NUDT3: variants seen among roughly 807,000 people sequenced by gnomAD.
NUDT3 encodes nudix hydrolase 3.
In NUDT3, 9 loss-of-function variants were observed where a neutral mutation model predicts 23.6. The observed-to-expected ratio is 0.38, with a 90% CI of 0.23 to 0.66. The LOEUF (loss-of-function observed/expected upper bound fraction) is 0.66, where lower values mean the gene tolerates loss of function less well. NUDT3 is among the 30% of genes least tolerant of loss of function. The pLI is 0.52. For missense variants in NUDT3, 172 were observed against 218.5 expected (o/e 0.79, Z 1.34); for synonymous variants, 86 against 82.6 (o/e 1.04, Z -0.22).
At chr6:34,381,750 A>C (rs555427779) in intron 1 of NUDT3, among the ~76,000 whole-genome samples, 20 of 152,158 alleles carry the variant, frequency 1.3e-4, no homozygotes, top group Non-Finnish European at 2.8e-4. Context: ...TAGCAATCAA[A>C]TCATTTCTGC....
intron 1 of NUDT3, among the ~76,000 whole-genome samples, chr6:34,385,042 A>C (rs1765082857): frequency 6.6e-6 from 1 of 152,030 alleles, no homozygotes; most frequent in Admixed American, 6.6e-5. Flanking sequence ...AAAAAAAAAA[A>C]AAACTCAAAA....
chr6:34,321,526 G>A (rs187604574), intron 2 of NUDT3, among the ~76,000 whole-genome samples: 1 of 152,204 alleles, frequency 6.6e-6, no homozygotes, highest in East Asian at 1.9e-4. Context: ...GGCTAATGTA[G>A]TAAGAGCAAG....
chr6:34,363,546 G>C (rs1581891357), intron 1 of NUDT3, among the ~76,000 whole-genome samples: 1 of 152,300 alleles, frequency 6.6e-6, no homozygotes, highest in East Asian at 1.9e-4. Flanking sequence ...AGAGATTAGA[G>C]AGTCTTGGCA....
chr6:34,390,377 A>G (rs1020528399), intron 1 of NUDT3, among the ~76,000 whole-genome samples: 1 of 151,976 alleles, frequency 6.6e-6, no homozygotes, highest in Non-Finnish European at 1.5e-5. Context: ...AGGTAGCCTA[A>G]ACAGACAAGT....
At chr6:34,337,884 G>C (rs189876565) in intron 2 of NUDT3, among the ~76,000 whole-genome samples, 1 of 152,292 alleles carries the variant, frequency 6.6e-6, no homozygotes, top group East Asian at 1.9e-4. Flanking sequence ...TAATCTGTCT[G>C]AATACACAAC....
At chr6:34,366,177 G>A (rs1440002885) in intron 1 of NUDT3, among the ~76,000 whole-genome samples, 1 of 150,830 alleles carries the variant, frequency 6.6e-6, no homozygotes, top group African/African-American at 2.4e-5. Context: ...AACCAGCCTG[G>A]GCAACATAGG....
chr6:34,323,706 C>A (rs1489503870), intron 2 of NUDT3, among the ~76,000 whole-genome samples: 1 of 152,206 alleles, frequency 6.6e-6, no homozygotes, highest in Non-Finnish European at 1.5e-5. Context: ...TACAACTTTA[C>A]ATTCAAATGG....
chr6:34,318,434 T>C (rs1294026309), intron 2 of NUDT3, among the ~76,000 whole-genome samples: 1 of 152,230 alleles, frequency 6.6e-6, no homozygotes, highest in Non-Finnish European at 1.5e-5. Context: ...TATATTTACA[T>C]ATATATGAAC....
At chr6:34,391,442 T>C (rs1035031957) in intron 1 of NUDT3, among the ~76,000 whole-genome samples, 1 of 152,202 alleles carries the variant, frequency 6.6e-6, no homozygotes, top group Non-Finnish European at 1.5e-5. Flanking sequence ...GAAACGGCTT[T>C]GGGAAGCCGA....
chr6:34,283,197 C>CTTTTTTTTTTTTTTT lies in NUDT3; in HGVS notation c.*5555_*5556insAAAAAAAAAAAAAAA, dbSNP rs1561894252. The CTTTTTTTTTTTTTTT allele has an allele frequency of 6.9e-6, 1 of 145,318 alleles. No individual in the cohort carries two copies. The highest frequency in any genetic ancestry group is 1.5e-5 in the Non-Finnish European group (1 of 66,598). The allele number at this position is 145,318 out of a possible 1,614,324, so 9.0% of individuals were successfully genotyped here. A position where few individuals can be genotyped will look rare whatever the true frequency, so the allele number is the denominator to read the frequency against. ...TCATCACAAAATGGGATTCCCTTCCCTTTTCTTTTTTTTTTTTTTTTTTTT... is the reference window on the plus strand; with the variant it reads ...TCATCACAAAATGGGATTCCCTTCCCTTTTTTTTTTTTTTTTTTTCTTTTTTTTTTTTTTTTTTTT... On this transcript the variant is annotated 3_prime_UTR_variant, in exon 5 of 5. Transcript: ENST00000607016.
intron 2 of NUDT3, among the ~76,000 whole-genome samples, chr6:34,324,034 C>A (rs991040688): frequency 1.3e-5 from 2 of 152,210 alleles, no homozygotes; most frequent in Non-Finnish European, 2.9e-5. Flanking sequence ...AATAGCATCA[C>A]TAAGTGCTTA....
At chr6:34,357,136 C>T (rs543439404) in intron 1 of NUDT3, among the ~76,000 whole-genome samples, 1 of 151,978 alleles carries the variant, frequency 6.6e-6, no homozygotes, top group African/African-American at 2.4e-5. Flanking sequence ...TGAAAAATTA[C>T]AGATAAAATC....
intron 1 of NUDT3, among the ~76,000 whole-genome samples, chr6:34,388,207 C>G (rs1765140207): frequency 6.6e-6 from 1 of 152,134 alleles, no homozygotes; most frequent in African/African-American, 2.4e-5. Flanking sequence ...TAAGTACATT[C>G]TATGATGTTT....
chr6:34,299,453 C>T (rs1292467056), intron 2 of NUDT3, among the ~76,000 whole-genome samples: 2 of 151,804 alleles, frequency 1.3e-5, no homozygotes, highest in African/African-American at 4.8e-5. Context: ...TTTTAAGAGA[C>T]AGGGTCTCAC....
chr6:34,382,369 C>T (rs972326815), intron 1 of NUDT3, among the ~76,000 whole-genome samples: 1 of 152,196 alleles, frequency 6.6e-6, no homozygotes, highest in Non-Finnish European at 1.5e-5. Flanking sequence ...CACCACTACA[C>T]TCCAGCCTGG....
chr6:34,375,179 C>A (rs1764901451), intron 1 of NUDT3, among the ~76,000 whole-genome samples: 1 of 152,024 alleles, frequency 6.6e-6, no homozygotes, highest in Non-Finnish European at 1.5e-5. Flanking sequence ...CCCATCTCTA[C>A]TAAAAAATAC....
intron 1 of NUDT3, among the ~76,000 whole-genome samples, chr6:34,383,870 AG>A (rs1018751444): frequency 1.3e-5 from 2 of 152,194 alleles, no homozygotes; most frequent in African/African-American, 2.4e-5. Flanking sequence ...AAGGGAAAGC[AG>A]GGGAAAAAAG....
In NUDT3 at chr6:34,288,567, A is replaced by C. The variant is rs1763367623; in HGVS notation, c.*186T>G. Reference sequence around the variant, plus strand: ...ACACCCAACCCCCACCCTCAATAAAAACAGAAGAAAAAGCCCCATCACTTA... The same window carrying C: ...ACACCCAACCCCCACCCTCAATAAACACAGAAGAAAAAGCCCCATCACTTA... On this transcript the variant is annotated 3_prime_UTR_variant, in exon 5 of 5. Transcript: ENST00000607016. 7.7e-6 allele frequency: 6 copies of C among 778,120 alleles called. No homozygotes were observed. In the South Asian group the frequency reaches 1.2e-4, roughly 16 times the overall value. 48.2% of individuals were successfully genotyped at this position (778,120 alleles called of 1,614,324 possible).
intron 1 of NUDT3, 129 bp from the exon 2 acceptor site, chr6:34,342,101 C>T (rs1764296736): frequency 2.6e-6 from 2 of 780,624 alleles, no homozygotes; most frequent in Non-Finnish European, 2.0e-6. Context: ...TCCCAAATCA[C>T]TTCTTGCAAA....
Sources: gnomAD v4.1 joint callset for allele counts (sites outside exome capture counted in the v4.1 genomes callset) on GRCh38, gnomAD v4.1.1 for gene constraint, MANE v1.5 for transcripts, NCBI Gene and HGNC (gene_info 2026-07-23, HGNC 2026-07-21) for gene names.